Variants in OTOR observed in about 807,000 individuals in gnomAD.
The protein encoded by OTOR is fibrocyte-derived protein.
OTOR carries 20 observed loss-of-function variants against 15.9 expected under a neutral mutation model. That is an observed-to-expected ratio of 1.26 (90% confidence interval 0.89 to 1.83). The LOEUF is 1.83. Among genes scored for constraint, OTOR ranks in the 40% most tolerant of loss-of-function variants. OTOR has a pLI of 0.00. For synonymous variants in OTOR, 53 were observed against 54.2 expected, an observed-to-expected ratio of 0.98 and a Z score of 0.09; for missense variants, 184 against 159.0, an observed-to-expected ratio of 1.16 and a Z score of -0.85.
intron 3 of OTOR, 70 bp from the exon 4 acceptor site, chr20:16,751,025 C>T (rs2072525697): frequency 3.4e-6 from 4 of 1,174,644 alleles, no homozygotes; most frequent in Non-Finnish European, 4.8e-6. Flanking sequence ...ACTTTAAATA[C>T]AGAATCTACA....
chr20:16,751,133 C>T lies in OTOR; in HGVS notation c.*15C>T. 1.3e-6 allele frequency: 2 copies of T among 1,506,182 alleles called. No individual in the cohort carries two copies. The highest frequency in any genetic ancestry group is 1.8e-6 in the Non-Finnish European group (2 of 1,113,248). 93.3% of individuals were successfully genotyped at this position (1,506,182 alleles called of 1,614,324 possible). On this transcript the variant is annotated 3_prime_UTR_variant, in exon 4 of 4. Coordinates refer to ENST00000246081, the MANE Select transcript of OTOR (RefSeq NM_020157.4). ...TCTGCGAGTAATAAATTAGTTAAAA[C>T]TGCAAATAGAAAGAAAACACCAAAA...
At chr20:16,750,692 A>G (rs1048338184) in intron 3 of OTOR, among the ~76,000 whole-genome samples, 2 of 152,234 alleles carry the variant, frequency 1.3e-5, no homozygotes, top group African/African-American at 2.4e-5. Flanking sequence ...AAATAAAGTT[A>G]TACTCTTCCT....
intron 3 of OTOR, among the ~76,000 whole-genome samples, chr20:16,750,420 T>A (rs1015265902): frequency 9.3e-5 from 14 of 150,196 alleles, no homozygotes; most frequent in Non-Finnish European, 1.8e-4. Flanking sequence ...TGTGTGTGTG[T>A]GTGTGTGTGA....
intron 3 of OTOR, among the ~76,000 whole-genome samples, 195 bp downstream of exon 3, chr20:16,750,205 T>C (rs1055149109): frequency 6.6e-6 from 1 of 152,236 alleles, no homozygotes; most frequent in African/African-American, 2.4e-5. Context: ...AAACTTTCTC[T>C]ATACCACCCC....
In OTOR at chr20:16,751,222, A is replaced by G. The variant is rs1315660720; in HGVS notation, c.*104A>G. ...TGTAATTTTGGACTGACGTTTTAAGAATTTGTTACCTTACAGAAGAGCAAG... is the reference window on the plus strand; with the variant it reads ...TGTAATTTTGGACTGACGTTTTAAGGATTTGTTACCTTACAGAAGAGCAAG... On this transcript the variant is annotated 3_prime_UTR_variant, in exon 4 of 4. Transcript: ENST00000246081. 1.3e-6 allele frequency: 1 copy of G among 796,624 alleles called. No individual in the cohort carries two copies. The highest frequency in any genetic ancestry group is 1.8e-5 in the African/African-American group (1 of 56,390). 49.3% of individuals were successfully genotyped at this position (796,624 alleles called of 1,614,324 possible).
chr20:16,751,325 G>A lies in OTOR; in HGVS notation c.*207G>A, dbSNP rs114257218. The A allele has an allele frequency of 1.1e-5, 6 of 528,944 alleles. No homozygotes were observed. Among genetic ancestry groups the A allele is most frequent in the Non-Finnish European group, 2.0e-5 (6 of 302,836 alleles). 32.8% of individuals were successfully genotyped at this position (528,944 alleles called of 1,614,324 possible). A position where few individuals can be genotyped will look rare whatever the true frequency, so the allele number is the denominator to read the frequency against. ...TTTCCTGCTGGCCTGGTCTGCCCAC[G>A]AGCTAGAGCGGGGAAATGTTGAGCT... On this transcript the variant is annotated 3_prime_UTR_variant, in exon 4 of 4. Transcript: ENST00000246081.
intron 3 of OTOR, 40 bp from the exon 4 acceptor site, chr20:16,751,055 C>G (rs780210786): frequency 2.0e-6 from 3 of 1,467,642 alleles, no homozygotes; most frequent in Non-Finnish European, 2.8e-6. Context: ...TTAGCCTAGG[C>G]TATTTCGTTC....
chr20:16,749,792 G>T, intron 2 of OTOR, 111 bp from the exon 3 acceptor site: 1 of 714,084 alleles, frequency 1.4e-6, no homozygotes, highest in Non-Finnish European at 2.5e-6. Flanking sequence ...GGAGTGAAAG[G>T]GAGGTATTGG....
chr20:16,749,779 C>T, intron 2 of OTOR, 124 bp from the exon 3 acceptor site: 6 of 667,090 alleles, frequency 9.0e-6, no homozygotes, highest in Admixed American at 7.3e-5. Flanking sequence ...CCCCCTGGAC[C>T]CCGGAGTGAA....
Position 16,751,146 on chromosome 20 carries a change from G to A in OTOR, c.*28G>A, listed in dbSNP as rs1468521355. 5.5e-6 allele frequency: 8 copies of A among 1,467,684 alleles called. No individual in the cohort carries two copies. The highest frequency in any genetic ancestry group is 7.4e-6 in the Non-Finnish European group (8 of 1,081,454). The allele number at this position is 1,467,684 out of a possible 1,614,324, so 90.9% of individuals were successfully genotyped here. ...AATTAGTTAAAACTGCAAATAGAAA[G>A]AAAACACCAAAAATAAAGAAAAGAG... On this transcript the variant is annotated 3_prime_UTR_variant, in exon 4 of 4. Coordinates refer to ENST00000246081, the MANE Select transcript of OTOR (RefSeq NM_020157.4).
chr20:16,749,772 C>T (rs2072516194), intron 2 of OTOR, 131 bp from the exon 3 acceptor site: 1 of 648,522 alleles, frequency 1.5e-6, no homozygotes, highest in East Asian at 2.8e-5. Flanking sequence ...CGCAGCGCCC[C>T]CTGGACCCCG....
intron 3 of OTOR, 150 bp from the exon 4 acceptor site, chr20:16,750,945 G>C (rs1374490248): frequency 1.5e-6 from 1 of 651,284 alleles, no homozygotes; most frequent in Non-Finnish European, 2.7e-6. Context: ...ACTTAAAGTG[G>C]TAAATATTTC....
chr20:16,749,197 A>C (rs1443228806), intron 2 of OTOR, among the ~76,000 whole-genome samples, 191 bp downstream of exon 2: 1 of 152,182 alleles, frequency 6.6e-6, no homozygotes, highest in African/African-American at 2.4e-5. Flanking sequence ...AACAAAACCA[A>C]ATGTAGGTTA....
At chr20:16,749,861 A>G in intron 2 of OTOR, 42 bp from the exon 3 acceptor site, 2 of 1,332,144 alleles carry the variant, frequency 1.5e-6, no homozygotes, top group Non-Finnish European at 2.2e-6. Context: ...GAAGACACTC[A>G]GCATCAGCTT....
intron 3 of OTOR, 108 bp from the exon 4 acceptor site, chr20:16,750,987 T>C (rs1012098891): frequency 1.1e-6 from 1 of 875,936 alleles, no homozygotes; most frequent in Admixed American, 3.4e-5. Context: ...TTACTTACTT[T>C]AAATCCAAAT....
In OTOR at chr20:16,751,328, C is replaced by A; in HGVS notation, c.*210C>A. Reference sequence around the variant, plus strand: ...CCTGCTGGCCTGGTCTGCCCACGAGCTAGAGCGGGGAAATGTTGAGCTCAA... The same window carrying A: ...CCTGCTGGCCTGGTCTGCCCACGAGATAGAGCGGGGAAATGTTGAGCTCAA... On this transcript the variant is annotated 3_prime_UTR_variant, in exon 4 of 4. Transcript: ENST00000246081. 1.9e-6 allele frequency: 1 copy of A among 525,576 alleles called. No individual in the cohort carries two copies. The highest frequency in any genetic ancestry group is 4.0e-4 in the Middle Eastern group (1 of 2,496). The allele number at this position is 525,576 out of a possible 1,614,324, so 32.6% of individuals were successfully genotyped here. A position where few individuals can be genotyped will look rare whatever the true frequency, so the allele number is the denominator to read the frequency against.
Position 16,748,389 on chromosome 20 carries a change from A to G in OTOR, c.-13A>G. ...TTCCAGTCAGAGTTCAAGTTAAAAC[A>G]GAAAAAAGGAAGATGGCAAGAATAT... is the stretch of plus-strand genomic sequence containing the variant. On this transcript the variant is annotated 5_prime_UTR_variant, in exon 1 of 4. Transcript: ENST00000246081. 1 of 1,573,076 alleles carries G rather than the reference A, an allele frequency of 6.4e-7. No homozygotes were observed. The highest frequency in any genetic ancestry group is 1.7e-4 in the Middle Eastern group (1 of 5,976).
chr20:16,749,129 A>G, intron 2 of OTOR, 123 bp downstream of exon 2: 2 of 589,416 alleles, frequency 3.4e-6, no homozygotes, highest in South Asian at 6.5e-5. Context: ...GTAGATGGAA[A>G]TGCAAAAATT....
At position 16,752,149 on chromosome 20, in the gene OTOR, C is replaced by T. The variant is rs1284819101; in HGVS notation, c.*1031C>T. 3.9e-5 allele frequency: 6 copies of T among 152,122 alleles called. No homozygotes were observed. Among genetic ancestry groups the T allele is most frequent in the Non-Finnish European group, 8.8e-5 (6 of 68,018 alleles). The allele number at this position is 152,122 out of a possible 1,614,324, so 9.4% of individuals were successfully genotyped here. A position where few individuals can be genotyped will look rare whatever the true frequency, so the allele number is the denominator to read the frequency against. On this transcript the variant is annotated 3_prime_UTR_variant, in exon 4 of 4. Coordinates refer to ENST00000246081, the MANE Select transcript of OTOR (RefSeq NM_020157.4). ...TCTTTGTTTGCATATAATTAAAATG[C>T]CTCTACTTAATGTCACAATTCTGAG...
Sources: allele counts gnomAD v4.1 joint callset (sites outside exome capture counted in the v4.1 genomes callset), GRCh38; gene constraint gnomAD v4.1.1; transcripts MANE v1.5; gene names NCBI Gene and HGNC (gene_info 2026-07-23, HGNC 2026-07-21).